The following CAMTA1 variants were observed in gnomAD, a reference collection of about 807,000 sequenced individuals.
The protein encoded by CAMTA1 is calmodulin binding transcription activator 1.
CAMTA1 carries 27 observed loss-of-function variants against 170.9 expected under a neutral mutation model. That is an observed-to-expected ratio of 0.16 (90% CI 0.12 to 0.22). The LOEUF is 0.22. CAMTA1 is among the 10% of genes least tolerant of loss of function. The probability of loss-of-function intolerance (pLI) is 1.00; values close to 1 mark genes in which losing one functional copy is unlikely to be tolerated. For synonymous variants in CAMTA1, 833 were observed against 891.5 expected (o/e 0.93, Z 1.17); for missense variants, 1,619 against 2,217.2 (o/e 0.73, Z 5.42).
At chr1:7,137,402 C>T (rs927523091) in intron 4 of CAMTA1, among the ~76,000 whole-genome samples, 1 of 152,228 alleles carries the variant, frequency 6.6e-6, no homozygotes, top group Non-Finnish European at 1.5e-5. Context: ...GGGTCTGGCT[C>T]TTGCCACTTT....
intron 4 of CAMTA1, among the ~76,000 whole-genome samples, chr1:7,121,992 T>C (rs1644670728): frequency 6.6e-6 from 1 of 151,870 alleles, no homozygotes; most frequent in Non-Finnish European, 1.5e-5. Context: ...TCCCCCTGGC[T>C]CCTCATCCCT....
At chr1:7,282,541 C>T (rs565358619) in intron 5 of CAMTA1, among the ~76,000 whole-genome samples, 1 of 152,230 alleles carries the variant, frequency 6.6e-6, no homozygotes, top group African/African-American at 2.4e-5. Context: ...TCATTTCAGC[C>T]TCTTTCCTGA....
Position 7,339,967 on chromosome 1 carries a change from A to C in CAMTA1, c.438+90341A>C, listed in dbSNP as rs562393390. ...CCAGCAGACATAGTGGGAAACAGAC[A>C]TTCAGAACCTGACCCAGGGTCCCAT... On this transcript the variant is annotated intron_variant, in intron 5 of 22. Transcript: ENST00000303635. Among the ~76,000 whole-genome samples, 7 of 152,304 alleles carry C rather than the reference A, an allele frequency of 4.6e-5. No individual in the cohort carries two copies. In the South Asian group the frequency reaches 1.5e-3, roughly 32 times the overall value.
chr1:7,434,980 A>G (rs905802243), intron 5 of CAMTA1, among the ~76,000 whole-genome samples: 3 of 151,928 alleles, frequency 2.0e-5, no homozygotes, highest in African/African-American at 7.3e-5. Context: ...TGAGCCCAGG[A>G]GGTTGAGGCT....
chr1:7,337,976 A>G (rs2083514800), intron 5 of CAMTA1, among the ~76,000 whole-genome samples: 2 of 144,776 alleles, frequency 1.4e-5, no homozygotes, highest in South Asian at 4.2e-4. Context: ...ATATATATGT[A>G]TTATATGTGT....
chr1:7,706,917 C>T lies in CAMTA1; in HGVS notation c.2915-25531C>T, dbSNP rs372672688. Among the ~76,000 whole-genome samples the T allele has an allele frequency of 2.0e-4, 26 of 129,814 alleles. No individual in the cohort carries two copies. In the East Asian group the frequency reaches 3.6e-3, roughly 18 times the overall value. The allele number at this position is 129,814 out of a possible 152,430, so 85.2% of individuals were successfully genotyped here. On this transcript the variant is annotated intron_variant, in intron 11 of 22. Coordinates refer to ENST00000303635, the MANE Select transcript of CAMTA1 (RefSeq NM_015215.4). ...TTTTTTTTTTTTTGAGACGGAGTCT[C>T]GCTCTGTTGCCCAGGCTGGAGTGCA...
At position 7,634,600 on chromosome 1, in the gene CAMTA1, G is replaced by A. The variant is rs114640809; in HGVS notation, c.511-5800G>A. Among the ~76,000 whole-genome samples, 230 of 152,066 alleles carry A rather than the reference G, an allele frequency of 1.5e-3. 1 individual carries two copies. Among genetic ancestry groups the A allele is most frequent in the Non-Finnish European group, 1.7e-3 (117 of 67,970 alleles). ...AGAGGGAAAGAGGGAGAAAGAGAGC[G>A]AGAGAGAGGGAGGCCAGAGCCCCAG... On this transcript the variant is annotated intron_variant, in intron 6 of 22. Transcript: ENST00000303635. The surrounding 1 kb of genome is among the most constrained non-coding windows in gnomAD (Gnocchi z 6.2).
Position 6,787,547 on chromosome 1 carries a change from A to G in CAMTA1, c.45+1972A>G, listed in dbSNP as rs58605756. The stretch of plus-strand genomic sequence containing the variant: ...GTGCACAGGAAGTTGGAAGGGTCAG[A>G]TGACTAGCTCTACATTTTGGGTGCA... On this transcript the variant is annotated intron_variant, in intron 1 of 22. Transcript: ENST00000303635. 2.3e-4 allele frequency among the ~76,000 whole-genome samples: 35 copies of G among 152,354 alleles called. No individual in the cohort carries two copies. In the East Asian group the frequency reaches 5.6e-3, roughly 24 times the overall value.
chr1:7,418,884 C>T (rs1159953775), intron 5 of CAMTA1, among the ~76,000 whole-genome samples: 2 of 152,108 alleles, frequency 1.3e-5, no homozygotes, highest in Non-Finnish European at 2.9e-5. Flanking sequence ...ATCTGGACCA[C>T]CATAGCCACC....
chr1:6,907,490 G>A (rs1261288164), intron 3 of CAMTA1, among the ~76,000 whole-genome samples: 1 of 152,146 alleles, frequency 6.6e-6, no homozygotes, highest in Non-Finnish European at 1.5e-5. Flanking sequence ...TGCTCCTGGG[G>A]GAGTTTCACA....
intron 1 of CAMTA1, among the ~76,000 whole-genome samples, chr1:6,801,917 A>G (rs1253318761): frequency 6.6e-6 from 1 of 152,148 alleles, no homozygotes; most frequent in African/African-American, 2.4e-5. Flanking sequence ...ATTTGTAAAG[A>G]GGATTGGCTA....
At chr1:7,100,897 C>T (rs529085703) in intron 4 of CAMTA1, among the ~76,000 whole-genome samples, 5 of 152,318 alleles carry the variant, frequency 3.3e-5, no homozygotes, top group African/African-American at 1.2e-4. Flanking sequence ...TTGGATTTTA[C>T]TGGGACAAAA....
chr1:7,533,701 T>C (rs917490434), intron 6 of CAMTA1, among the ~76,000 whole-genome samples: 85 of 152,134 alleles, frequency 5.6e-4, no homozygotes, highest in African/African-American at 1.9e-3. Context: ...TCACTTGAGG[T>C]CAGGAGTTTG....
chr1:7,679,678 C>T (rs1448686626), intron 11 of CAMTA1, among the ~76,000 whole-genome samples: 2 of 151,354 alleles, frequency 1.3e-5, no homozygotes, highest in African/African-American at 4.9e-5. Context: ...GGAATTGGGG[C>T]GGCGATGACA....
intron 6 of CAMTA1, among the ~76,000 whole-genome samples, chr1:7,537,350 C>T (rs945711844): frequency 5.3e-5 from 8 of 152,348 alleles, no homozygotes; most frequent in African/African-American, 1.7e-4. Flanking sequence ...CCATGAAGGA[C>T]GCTTTGAGCC....
At chr1:7,409,042 G>A (rs563347808) in intron 5 of CAMTA1, among the ~76,000 whole-genome samples, 1 of 152,328 alleles carries the variant, frequency 6.6e-6, no homozygotes, top group East Asian at 1.9e-4. Context: ...GCTCCTTTAA[G>A]TACCTGCCTG....
chr1:7,664,734 C>A lies in CAMTA1; in HGVS notation c.2187C>A (p.Ser729Arg). 6.2e-7 allele frequency: 1 copy of A among 1,608,188 alleles called. No homozygotes were observed. The highest frequency in any genetic ancestry group is 1.7e-4 in the Middle Eastern group (1 of 6,048). Residue 729 changes from serine to arginine, a missense_variant, in exon 9 of 23, where the codon AGC (serine) becomes AGA (arginine). Physicochemically the swap from Ser to Arg is moderately radical, Grantham distance 110. Transcript: ENST00000303635. ...CGGAGACCAACGGGGTAATCCGAAG[C>A]GCCGGCGGCGTCCCCATCCTCCCGG... Reference protein sequence around the residue: ...LQPETNGVIRSAGGVPILPGN... With the variant: ...LQPETNGVIRRAGGVPILPGN...
intron 6 of CAMTA1, among the ~76,000 whole-genome samples, chr1:7,479,952 AGT>A (rs758968924): frequency 2.0e-5 from 3 of 148,944 alleles, no homozygotes; most frequent in African/African-American, 5.0e-5. Context: ...AGTGTATGTC[AGT>A]GTGTGAGTAC....
At chr1:7,398,932 C>G (rs1317321301) in intron 5 of CAMTA1, among the ~76,000 whole-genome samples, 1 of 152,140 alleles carries the variant, frequency 6.6e-6, no homozygotes, top group Non-Finnish European at 1.5e-5. Context: ...TTTACCCTAA[C>G]CACTCCCCCA....
Sources: gnomAD v4.1 joint callset for allele counts (sites outside exome capture counted in the v4.1 genomes callset) on GRCh38, gnomAD v4.1.1 for gene constraint, Gnocchi (gnomAD v3.1) non-coding constraint, MANE v1.5 for transcripts, NCBI Gene and HGNC (gene_info 2026-07-23, HGNC 2026-07-21) for gene names.